The following PTPRR variants were observed in gnomAD, a reference collection of about 807,000 sequenced individuals.
PTPRR encodes protein tyrosine phosphatase receptor type R, also known as receptor-type tyrosine-protein phosphatase R.
In PTPRR, 38 loss-of-function variants were observed where a neutral mutation model predicts 77.2. That is an observed-to-expected ratio of 0.49 (90% CI 0.38 to 0.65). PTPRR has a LOEUF of 0.65. PTPRR is among the 30% of genes least tolerant of loss of function. PTPRR has a pLI of 0.00. For synonymous variants in PTPRR, 299 were observed against 283.1 expected (o/e 1.06, Z -0.57); for missense variants, 744 against 799.2 (o/e 0.93, Z 0.83).
intron 2 of PTPRR, among the ~76,000 whole-genome samples, chr12:70,851,728 A>G (rs1201612486): frequency 1.3e-5 from 2 of 152,228 alleles, no homozygotes; most frequent in East Asian, 1.9e-4. Flanking sequence ...TTTCTATATG[A>G]CTCTAATAAA....
intron 1 of PTPRR, among the ~76,000 whole-genome samples, chr12:70,919,752 T>C (rs1291769875): frequency 2.0e-5 from 3 of 147,618 alleles, no homozygotes; most frequent in African/African-American, 7.5e-5. Context: ...GACAAGAGGA[T>C]TCTATTTGAA....
intron 2 of PTPRR, among the ~76,000 whole-genome samples, chr12:70,787,606 T>C (rs977543687): frequency 2.4e-5 from 2 of 85,012 alleles, no homozygotes; most frequent in Non-Finnish European, 5.1e-5. Flanking sequence ...ATCTTGCTGC[T>C]GAGCCCTAAA....
At chr12:70,771,036 G>A (rs1188426170) in intron 2 of PTPRR, among the ~76,000 whole-genome samples, 1 of 151,246 alleles carries the variant, frequency 6.6e-6, no homozygotes, top group African/African-American at 2.4e-5. Context: ...TATAGTTTTA[G>A]GAGATATACC....
chr12:70,707,777 G>T (rs1406111080), intron 6 of PTPRR, among the ~76,000 whole-genome samples: 1 of 151,950 alleles, frequency 6.6e-6, no homozygotes, highest in South Asian at 2.1e-4. Flanking sequence ...CTTCCTCTTT[G>T]GTTCAGACCT....
chr12:70,805,313 T>C (rs907756), intron 2 of PTPRR, among the ~76,000 whole-genome samples: 105,060 of 151,250 alleles, frequency 0.69, 38,484 homozygotes, highest in South Asian at 0.83. Flanking sequence ...TATGTATATA[T>C]GTATATGTAT....
intron 2 of PTPRR, among the ~76,000 whole-genome samples, chr12:70,892,211 A>G (rs1893350041): frequency 6.6e-6 from 1 of 151,628 alleles, no homozygotes; most frequent in Non-Finnish European, 1.5e-5. Context: ...ACAGAAAACT[A>G]CTCTCCCTCT....
At chr12:70,788,743 T>C in intron 2 of PTPRR, 1 of 1,021,768 alleles carries the variant, frequency 9.8e-7, no homozygotes, top group African/African-American at 1.6e-5. Flanking sequence ...TAGACATAAA[T>C]CTTAATATTT....
At chr12:70,867,358 C>T (rs1050747741) in intron 2 of PTPRR, among the ~76,000 whole-genome samples, 1 of 151,446 alleles carries the variant, frequency 6.6e-6, no homozygotes, top group African/African-American at 2.4e-5. Context: ...GATACAAAAT[C>T]AATGTACAAA....
At chr12:70,686,706 C>T (rs971804495) in intron 8 of PTPRR, among the ~76,000 whole-genome samples, 1 of 152,130 alleles carries the variant, frequency 6.6e-6, no homozygotes, top group African/African-American at 2.4e-5. Flanking sequence ...GAACTGAGGC[C>T]TCCAGCTGAT....
chr12:70,644,488 A>T (rs1370639639), intron 13 of PTPRR, among the ~76,000 whole-genome samples: 1 of 152,204 alleles, frequency 6.6e-6, no homozygotes, highest in African/African-American at 2.4e-5. Context: ...CACTTACTAG[A>T]TATTTTACCC....
intron 10 of PTPRR, among the ~76,000 whole-genome samples, chr12:70,678,079 C>T (rs1887514636): frequency 6.6e-6 from 1 of 152,056 alleles, no homozygotes; most frequent in South Asian, 2.1e-4. Context: ...TGCACTCTGT[C>T]ACCCAGGCTG....
chr12:70,821,212 G>GTTTTTTTT (rs1252907478), intron 2 of PTPRR, among the ~76,000 whole-genome samples: 2 of 44,552 alleles, frequency 4.5e-5, no homozygotes, highest in African/African-American at 5.6e-5. Context: ...AGGGATCACT[G>GTTTTTTTT]CTTTTTTTTT....
intron 13 of PTPRR, among the ~76,000 whole-genome samples, chr12:70,647,049 C>A (rs557807741): frequency 5.5e-4 from 83 of 152,098 alleles, no homozygotes; most frequent in Middle Eastern, 3.4e-3. Context: ...GTGTGGGAAG[C>A]CACAAGTGAG....
rs569647624 is a variant in PTPRR, at chr12:70,808,135, A to T, written c.358-43357T>A. Among the ~76,000 whole-genome samples the T allele has an allele frequency of 5.9e-5, 9 of 152,176 alleles. No homozygotes were observed. The South Asian group carries it at 1.7e-3, about 28-fold the overall frequency. Reference sequence around the variant, plus strand: ...GGAGTGTCTGCTTTTATGCAGATGTAGATAGGGATGAAACACACCCTACTC... The same window carrying T: ...GGAGTGTCTGCTTTTATGCAGATGTTGATAGGGATGAAACACACCCTACTC... On this transcript the variant is annotated intron_variant, in intron 2 of 13. Transcript: ENST00000283228.
intron 1 of PTPRR, among the ~76,000 whole-genome samples, chr12:70,908,217 A>T (rs1023544279): frequency 6.6e-6 from 1 of 152,184 alleles, no homozygotes; most frequent in Non-Finnish European, 1.5e-5. Context: ...GAACATTAGA[A>T]CACATAAATA....
intron 2 of PTPRR, among the ~76,000 whole-genome samples, chr12:70,835,327 T>C (rs1386550188): frequency 6.6e-6 from 1 of 152,126 alleles, no homozygotes; most frequent in East Asian, 1.9e-4. Flanking sequence ...GCTAAGGGAT[T>C]ACTATAAATT....
chr12:70,848,843 A>G (rs1284442904), intron 2 of PTPRR, among the ~76,000 whole-genome samples: 1 of 152,222 alleles, frequency 6.6e-6, no homozygotes, highest in Non-Finnish European at 1.5e-5. Flanking sequence ...ATAACTTCTA[A>G]TGATACTTTC....
At position 70,892,694 on chromosome 12, in the gene PTPRR, T is replaced by G; in HGVS notation, c.342A>C (p.Ala114=). 6.2e-7 allele frequency: 1 copy of G among 1,613,230 alleles called. No homozygotes were observed. Among genetic ancestry groups the G allele is most frequent in the Non-Finnish European group, 8.5e-7 (1 of 1,179,316 alleles). The change falls in exon 2 of 14, where the codon GCA becomes GCC. Residue 114 remains alanine, a synonymous_variant. Coordinates refer to ENST00000283228, the MANE Select transcript of PTPRR (RefSeq NM_002849.4). ...LEVENLPIPA[A]NVIVVTLQMD... ...TACTACTTACCACCACAATTACATT[T>G]GCTGCTGGGATTGGGAGATTTTCCA...
intron 2 of PTPRR, among the ~76,000 whole-genome samples, chr12:70,766,752 G>C (rs958478802): frequency 1.3e-5 from 2 of 151,836 alleles, no homozygotes; most frequent in Admixed American, 1.3e-4. Flanking sequence ...AAATGTTAAG[G>C]GCAGCCAGAG....
Sources: gnomAD v4.1 joint callset for allele counts (sites outside exome capture counted in the v4.1 genomes callset) on GRCh38, gnomAD v4.1.1 for gene constraint, MANE v1.5 for transcripts, NCBI Gene and HGNC (gene_info 2026-07-23, HGNC 2026-07-21) for gene names.